DCDC2: variants seen among roughly 807,000 people sequenced by gnomAD.
The protein encoded by DCDC2 is doublecortin domain containing 2.
In DCDC2, 40 loss-of-function variants were observed where a neutral mutation model predicts 50.2. The observed-to-expected ratio is 0.80, with a 90% confidence interval of 0.62 to 1.04. DCDC2 has a LOEUF of 1.04. DCDC2 is among the 50% of genes least tolerant of loss of function. The pLI, the probability that DCDC2 is intolerant of heterozygous loss-of-function variation, is 0.00. For missense variants in DCDC2, 570 were observed against 581.9 expected (o/e 0.98, Z 0.21); for synonymous variants, 234 against 210.6 (o/e 1.11, Z -0.96).
At chr6:24,233,770 C>T (rs758499170) in intron 7 of DCDC2, among the ~76,000 whole-genome samples, 2 of 152,124 alleles carry the variant, frequency 1.3e-5, no homozygotes, top group Non-Finnish European at 2.9e-5. Context: ...AAACATCAAA[C>T]ATATATAATA....
At chr6:24,184,202 G>A (rs1363386345) in intron 8 of DCDC2, among the ~76,000 whole-genome samples, 3 of 152,106 alleles carry the variant, frequency 2.0e-5, no homozygotes, top group African/African-American at 4.8e-5. Context: ...GCTACAATAA[G>A]GACACTCACG....
At chr6:24,271,536 C>G (rs776134667) in intron 7 of DCDC2, among the ~76,000 whole-genome samples, 1 of 152,186 alleles carries the variant, frequency 6.6e-6, no homozygotes, top group African/African-American at 2.4e-5. Flanking sequence ...AGGTCTGGCT[C>G]CTCCAGCTCT....
chr6:24,211,336 G>A (rs1369803383), intron 7 of DCDC2, among the ~76,000 whole-genome samples: 1 of 152,190 alleles, frequency 6.6e-6, no homozygotes, highest in African/African-American at 2.4e-5. Flanking sequence ...GAACTGACGA[G>A]AAAGAAGACA....
At chr6:24,346,966 T>G (rs73727534) in intron 2 of DCDC2, among the ~76,000 whole-genome samples, 1,949 of 152,208 alleles carry the variant, frequency 0.013, 32 homozygotes, top group African/African-American at 0.041. Context: ...GGAATTCACA[T>G]GTATCTTGGG....
rs543336208 is a variant in DCDC2 at position 24,191,941 on chromosome 6, C to G, written c.1023+13061G>C. Reference sequence around the variant, plus strand: ...GCAGAAAGGGAAGCCAAGAAGCAAGCCTTTGCGTGCTTAAAAACCTAAAGA... The same window carrying G: ...GCAGAAAGGGAAGCCAAGAAGCAAGGCTTTGCGTGCTTAAAAACCTAAAGA... On this transcript the variant is annotated intron_variant, in intron 8 of 9. Transcript: ENST00000378454. Among the ~76,000 whole-genome samples, 7 of 152,200 alleles carry G rather than the reference C, an allele frequency of 4.6e-5. No homozygotes were observed. In the South Asian group the frequency reaches 1.5e-3, roughly 32 times the overall value.
rs1025213555 is a variant in DCDC2, at chr6:24,174,678, T to C, written c.*52A>G. 6.3e-5 allele frequency: 80 copies of C among 1,261,596 alleles called. No homozygotes were observed. The Admixed American group carries it at 6.7e-4, about 10-fold the overall frequency. The allele number at this position is 1,261,596 out of a possible 1,614,324, so 78.2% of individuals were successfully genotyped here. On this transcript the variant is annotated 3_prime_UTR_variant, in exon 10 of 10. Transcript: ENST00000378454. ...TAACTATGTGCTTATCTTTCAAGTA[T>C]GATAACCCTTCATTTTTCTTGCGAT...
chr6:24,349,727 A>G (rs1419170569), intron 2 of DCDC2, among the ~76,000 whole-genome samples: 1 of 152,242 alleles, frequency 6.6e-6, no homozygotes, highest in African/African-American at 2.4e-5. Context: ...AACTGTCTTC[A>G]TTAAACCACC....
chr6:24,304,185 A>T (rs897568698), intron 2 of DCDC2, among the ~76,000 whole-genome samples: 9 of 152,228 alleles, frequency 5.9e-5, no homozygotes, highest in African/African-American at 2.2e-4. Context: ...CTGACTTTTT[A>T]AAAAATGTTT....
rs535549522 is a variant in DCDC2, at chr6:24,198,452, C to T, written c.1023+6550G>A. Among the ~76,000 whole-genome samples, 19 of 152,286 alleles carry T rather than the reference C, an allele frequency of 1.2e-4. No individual in the cohort carries two copies. The East Asian group carries it at 3.7e-3, about 29-fold the overall frequency. On this transcript the variant is annotated intron_variant, in intron 8 of 9. Transcript: ENST00000378454. ...AGGGAAGCCCTGAGGGACTGTGTCA[C>T]GAGGAATGGTGCATTCCAGCCCGGA...
chr6:24,198,979 G>C (rs1250660009), intron 8 of DCDC2, among the ~76,000 whole-genome samples: 1 of 152,180 alleles, frequency 6.6e-6, no homozygotes. Flanking sequence ...TCTGGGTAGG[G>C]CATCTCAGAA....
rs1760813590 is a variant in DCDC2 at position 24,172,867 on chromosome 6, T to C, written c.*1863A>G. ...AAAATTAGCCAGGTGTGGTGGCAGA[T>C]GCCTGTAATCCCAGCTACTCGGGAG... On this transcript the variant is annotated 3_prime_UTR_variant, in exon 10 of 10. Coordinates refer to ENST00000378454, the MANE Select transcript of DCDC2 (RefSeq NM_016356.5). 1 of 151,950 alleles carries C rather than the reference T, an allele frequency of 6.6e-6. No homozygotes were observed. Among genetic ancestry groups the C allele is most frequent in the South Asian group, 2.1e-4 (1 of 4,822 alleles). 9.4% of individuals were successfully genotyped at this position (151,950 alleles called of 1,614,324 possible). A position where few individuals can be genotyped will look rare whatever the true frequency, so the allele number is the denominator to read the frequency against.
In DCDC2 at chr6:24,174,047, C is replaced by T. The variant is rs1760846306; in HGVS notation, c.*683G>A. ...CTGGGTGCTCCTTTACAATTCCTTC[C>T]TGAGTGTGCGCCATTGGAGCCACAA... On this transcript the variant is annotated 3_prime_UTR_variant, in exon 10 of 10. Transcript: ENST00000378454. 6.6e-6 allele frequency: 1 copy of T among 152,142 alleles called. No individual in the cohort carries two copies. Among genetic ancestry groups the T allele is most frequent in the Non-Finnish European group, 1.5e-5 (1 of 68,046 alleles). The allele number at this position is 152,142 out of a possible 1,614,324, so 9.4% of individuals were successfully genotyped here. A position where few individuals can be genotyped will look rare whatever the true frequency, so the allele number is the denominator to read the frequency against.
intron 8 of DCDC2, among the ~76,000 whole-genome samples, chr6:24,195,055 C>A (rs569254591): frequency 1.3e-5 from 2 of 151,980 alleles, no homozygotes; most frequent in East Asian, 3.9e-4. Context: ...ATGCAAATAC[C>A]CCTGTATGTG....
chr6:24,304,671 T>G (rs552431419), intron 2 of DCDC2, among the ~76,000 whole-genome samples: 17 of 152,344 alleles, frequency 1.1e-4, no homozygotes, highest in African/African-American at 4.1e-4. Flanking sequence ...TATTATCTTA[T>G]GTACATAGCA....
chr6:24,374,782 C>T, the DCDC2 span, among the ~76,000 whole-genome samples: 2 of 152,186 alleles, frequency 1.3e-5, no homozygotes, highest in South Asian at 2.1e-4. Flanking sequence ...CTGACTGAGA[C>T]GCAGCTCAGG....
At chr6:24,367,863 A>G in the DCDC2 span, among the ~76,000 whole-genome samples, 1 of 152,250 alleles carries the variant, frequency 6.6e-6, no homozygotes. Flanking sequence ...TACAGGAATT[A>G]TCACAGGCAG....
chr6:24,216,050 G>A (rs1271418584), intron 7 of DCDC2, among the ~76,000 whole-genome samples: 1 of 152,154 alleles, frequency 6.6e-6, no homozygotes, highest in Non-Finnish European at 1.5e-5. Context: ...AGGAGGTGAT[G>A]GGGTCTGATT....
At chr6:24,309,902 G>GT (rs1355890173) in intron 2 of DCDC2, among the ~76,000 whole-genome samples, 1 of 152,126 alleles carries the variant, frequency 6.6e-6, no homozygotes, top group African/African-American at 2.4e-5. Context: ...GGCTGAAATG[G>GT]GAGGACTGCT....
rs1304853321 is a variant in DCDC2, at chr6:24,252,424, G to A, written c.922+25625C>T. Among the ~76,000 whole-genome samples the A allele has an allele frequency of 1.3e-5, 2 of 152,130 alleles. 1 individual carries two copies. The stretch of plus-strand genomic sequence containing the variant: ...CTCCTTTAACAAATAAGGTCTAAAG[G>A]ACACAAAGACCATGCTGACCTGCTG... On this transcript the variant is annotated intron_variant, in intron 7 of 9. Coordinates refer to ENST00000378454, the MANE Select transcript of DCDC2 (RefSeq NM_016356.5).
Sources: gnomAD v4.1 joint callset for allele counts (sites outside exome capture counted in the v4.1 genomes callset) on GRCh38, gnomAD v4.1.1 for gene constraint, MANE v1.5 for transcripts, NCBI Gene and HGNC (gene_info 2026-07-23, HGNC 2026-07-21) for gene names.